CRIM1: variants seen among roughly 807,000 people sequenced by gnomAD.
CRIM1 encodes the protein cysteine rich transmembrane BMP regulator 1.
In CRIM1, 32 loss-of-function variants were observed where a neutral mutation model predicts 116.4. That is an observed-to-expected ratio of 0.27 (90% CI 0.21 to 0.37). The LOEUF (loss-of-function observed/expected upper bound fraction) is 0.37. CRIM1 is among the 10% of genes least tolerant of loss of function. The pLI is 1.00. For synonymous variants in CRIM1, 590 were observed against 509.2 expected (o/e 1.16, Z -2.13); for missense variants, 1,331 against 1,354.8 (o/e 0.98, Z 0.28).
At chr2:36,478,452 C>G (rs1679156676) in intron 6 of CRIM1, among the ~76,000 whole-genome samples, 1 of 152,164 alleles carries the variant, frequency 6.6e-6, no homozygotes, top group Non-Finnish European at 1.5e-5. Context: ...GTCTCACTTC[C>G]TGGAATTCAG....
chr2:36,449,041 T>A (rs1676478723), intron 4 of CRIM1, among the ~76,000 whole-genome samples: 1 of 152,064 alleles, frequency 6.6e-6, no homozygotes, highest in Non-Finnish European at 1.5e-5. Context: ...CTTGTTTTTT[T>A]TTTTTTCCTT....
intron 11 of CRIM1, among the ~76,000 whole-genome samples, chr2:36,515,693 T>C (rs1664991107): frequency 6.6e-6 from 1 of 152,260 alleles, no homozygotes. Context: ...TCCATGTCTC[T>C]GGCCCCTCTT....
Position 36,464,522 on chromosome 2 carries a change from C to T in CRIM1, c.870-12C>T, listed in dbSNP as rs753444336. The stretch of plus-strand genomic sequence containing the variant: ...ATTCATGGGGTTTTCCTTCCCTTTT[C>T]TTTGGTTTCAGATGCGAGTGTCTCT... On this transcript the variant is annotated splice_polypyrimidine_tract_variant and intron_variant, in intron 4 of 16. Transcript: ENST00000280527. 8.1e-6 allele frequency: 13 copies of T among 1,613,790 alleles called. No individual in the cohort carries two copies. In the South Asian group the frequency reaches 1.4e-4, roughly 18 times the overall value.
intron 1 of CRIM1, among the ~76,000 whole-genome samples, chr2:36,380,586 AAAG>A (rs1298730094): frequency 6.6e-6 from 1 of 152,230 alleles, no homozygotes; most frequent in East Asian, 1.9e-4. Context: ...AAAGAAATCA[AAAG>A]AAGGACATAA....
chr2:36,449,649 T>A (rs1346515015), intron 4 of CRIM1, among the ~76,000 whole-genome samples: 1 of 152,122 alleles, frequency 6.6e-6, no homozygotes, highest in African/African-American at 2.4e-5. Context: ...AAAAGTAACT[T>A]CTACCTCTAA....
chr2:36,448,351 C>T (rs1377140137), intron 4 of CRIM1, among the ~76,000 whole-genome samples: 2 of 152,240 alleles, frequency 1.3e-5, no homozygotes, highest in East Asian at 3.9e-4. Flanking sequence ...CTGGTGTCCA[C>T]CAGCCCAGAC....
chr2:36,464,178 A>AG (rs1390770910), intron 4 of CRIM1, among the ~76,000 whole-genome samples: 1 of 152,260 alleles, frequency 6.6e-6, no homozygotes, highest in East Asian at 1.9e-4. Context: ...ATCGATTCAC[A>AG]GAAGAGCATA....
chr2:36,545,569 TTTAACC>T (rs1272629744), intron 15 of CRIM1, among the ~76,000 whole-genome samples: 1 of 152,170 alleles, frequency 6.6e-6, no homozygotes, highest in African/African-American at 2.4e-5. Context: ...ACTGATTTGT[TTTAACC>T]TAAAAGACAT....
intron 1 of CRIM1, among the ~76,000 whole-genome samples, chr2:36,392,468 A>G (rs72785186): frequency 0.071 from 10,780 of 151,570 alleles, 503 homozygotes; most frequent in Non-Finnish European, 0.1. Flanking sequence ...TTTCCTGACC[A>G]GTCCAAGGAG....
At chr2:36,487,882 A>G (rs1241284544) in intron 7 of CRIM1, among the ~76,000 whole-genome samples, 3 of 152,318 alleles carry the variant, frequency 2.0e-5, no homozygotes, top group Admixed American at 1.3e-4. Flanking sequence ...CATATACTGT[A>G]TTACAACGTT....
intron 1 of CRIM1, among the ~76,000 whole-genome samples, chr2:36,359,759 T>G (rs1192393319): frequency 6.6e-6 from 1 of 152,158 alleles, no homozygotes; most frequent in Non-Finnish European, 1.5e-5. Context: ...CTGGGGGTGG[T>G]AAGTGCATTT....
chr2:36,530,842 C>T (rs145273277), intron 13 of CRIM1, among the ~76,000 whole-genome samples: 30 of 152,308 alleles, frequency 2.0e-4, no homozygotes, highest in Middle Eastern at 6.8e-3. Flanking sequence ...GCTGTCTGCG[C>T]GTCTTTTCCA....
chr2:36,545,888 ACT>A (rs1468586625), intron 15 of CRIM1, among the ~76,000 whole-genome samples: 7 of 152,076 alleles, frequency 4.6e-5, no homozygotes, highest in African/African-American at 1.7e-4. Context: ...ATAAAATGTT[ACT>A]CTTTGACATT....
At chr2:36,361,170 AAC>A (rs1669199270) in intron 1 of CRIM1, among the ~76,000 whole-genome samples, 1 of 152,272 alleles carries the variant, frequency 6.6e-6, no homozygotes, top group South Asian at 2.1e-4. Context: ...TGTCACATAA[AAC>A]ACTTGGCAAA....
intron 6 of CRIM1, among the ~76,000 whole-genome samples, chr2:36,477,553 C>G (rs1360128918): frequency 1.3e-5 from 2 of 152,208 alleles, no homozygotes; most frequent in East Asian, 1.9e-4. Context: ...CAGGGACCTG[C>G]TACTGCTTCT....
intron 13 of CRIM1, among the ~76,000 whole-genome samples, chr2:36,525,818 C>CA (rs1049073179): frequency 2.7e-5 from 4 of 149,678 alleles, no homozygotes; most frequent in South Asian, 2.1e-4. Flanking sequence ...TATTAGTGGT[C>CA]AAAAAAAAAG....
intron 4 of CRIM1, among the ~76,000 whole-genome samples, chr2:36,448,618 C>A (rs1304114697): frequency 1.1e-5 from 1 of 94,634 alleles, no homozygotes; most frequent in Admixed American, 1.1e-4. Flanking sequence ...TACCCTACGC[C>A]TTTTGATAAG....
chr2:36,399,358 G>A (rs1039184991), intron 2 of CRIM1, among the ~76,000 whole-genome samples: 1 of 152,226 alleles, frequency 6.6e-6, no homozygotes, highest in South Asian at 2.1e-4. Context: ...TCGTTGGAGA[G>A]CTTTTCAGCT....
chr2:36,365,104 CAG>C (rs1669501413), intron 1 of CRIM1, among the ~76,000 whole-genome samples: 1 of 152,194 alleles, frequency 6.6e-6, no homozygotes, highest in South Asian at 2.1e-4. Flanking sequence ...GTACCGAGAA[CAG>C]GGGGCTGGGA....
Sources: allele counts gnomAD v4.1 joint callset (sites outside exome capture counted in the v4.1 genomes callset), GRCh38; gene constraint gnomAD v4.1.1; transcripts MANE v1.5; gene names NCBI Gene and HGNC (gene_info 2026-07-23, HGNC 2026-07-21).